VTA1: variants seen among roughly 807,000 people sequenced by gnomAD.
The protein encoded by VTA1 is vacuolar protein sorting-associated protein VTA1 homolog.
A neutral mutation model predicts 36.9 loss-of-function variants in VTA1; 24 were observed. The ratio of observed to expected loss-of-function variants is 0.65; its 90% CI spans 0.47 to 0.91. The LOEUF is 0.91. Among genes scored for constraint, VTA1 ranks in the 40% least tolerant of loss-of-function variants. The pLI is 0.00. For synonymous variants in VTA1, 142 were observed against 130.2 expected, an observed-to-expected ratio of 1.09 and a Z score of -0.62; for missense variants, 393 against 377.2, an observed-to-expected ratio of 1.04 and a Z score of -0.35.
chr6:142,209,892 T>C (rs1017320397), intron 7 of VTA1, among the ~76,000 whole-genome samples: 2 of 151,984 alleles, frequency 1.3e-5, no homozygotes, highest in Non-Finnish European at 2.9e-5. Flanking sequence ...CTTCACAGAA[T>C]GACATTTTAC....
chr6:142,157,031 G>A (rs1254162094), intron 1 of VTA1, among the ~76,000 whole-genome samples: 2 of 152,344 alleles, frequency 1.3e-5, no homozygotes, highest in South Asian at 2.1e-4. Flanking sequence ...GGGCGTGGTA[G>A]CGTTTACCTG....
At chr6:142,171,218 C>A (rs1775024515) in intron 4 of VTA1, among the ~76,000 whole-genome samples, 2 of 152,128 alleles carry the variant, frequency 1.3e-5, no homozygotes, top group African/African-American at 4.8e-5. Flanking sequence ...CCTCAGTCTC[C>A]CTAGTAGCTG....
intron 7 of VTA1, among the ~76,000 whole-genome samples, chr6:142,210,635 A>G (rs1255959823): frequency 6.6e-6 from 1 of 152,204 alleles, no homozygotes; most frequent in Admixed American, 6.5e-5. Flanking sequence ...CATTTCGTAT[A>G]TGAAGAAATG....
chr6:142,152,043 A>G (rs555278426), intron 1 of VTA1, among the ~76,000 whole-genome samples: 6 of 152,238 alleles, frequency 3.9e-5, no homozygotes, highest in Non-Finnish European at 7.3e-5. Flanking sequence ...CAAAAAAATA[A>G]TAAGAAAAAG....
chr6:142,196,616 A>G (rs1216673318), intron 5 of VTA1, among the ~76,000 whole-genome samples: 1 of 150,362 alleles, frequency 6.7e-6, no homozygotes, highest in African/African-American at 2.5e-5. Context: ...TGTCTCTTTC[A>G]TTTGTTATGT....
At chr6:142,181,455 T>TTATATATATATATATATATATATATATA (rs10545343) in intron 4 of VTA1, among the ~76,000 whole-genome samples, 1 of 143,652 alleles carries the variant, frequency 7.0e-6, no homozygotes, top group Non-Finnish European at 1.5e-5. Flanking sequence ...TTTTTATATT[T>TTATATATATATATATATATATATATATA]TATATATATA....
chr6:142,205,278 T>C (rs1388289489), intron 7 of VTA1, among the ~76,000 whole-genome samples: 1 of 152,208 alleles, frequency 6.6e-6, no homozygotes, highest in African/African-American at 2.4e-5. Context: ...ATTTTCTCTT[T>C]TCACTTTTTT....
intron 2 of VTA1, among the ~76,000 whole-genome samples, chr6:142,167,691 C>T (rs1277776018): frequency 6.6e-6 from 1 of 152,170 alleles, no homozygotes; most frequent in African/African-American, 2.4e-5. Context: ...CTCCTGTCGT[C>T]TGCTACTGTT....
intron 4 of VTA1, among the ~76,000 whole-genome samples, chr6:142,181,094 A>AAAAAATATATATAT (rs1471429927): frequency 2.5e-4 from 9 of 36,422 alleles, no homozygotes; most frequent in African/African-American, 6.1e-4. Context: ...AAAAAAAAAA[A>AAAAAATATATATAT]ATATATATAT....
At chr6:142,201,064 A>G (rs892827773) in intron 6 of VTA1, among the ~76,000 whole-genome samples, 2 of 151,880 alleles carry the variant, frequency 1.3e-5, no homozygotes, top group African/African-American at 4.8e-5. Context: ...TGTGCCTTCT[A>G]TGTTCCTTCC....
intron 1 of VTA1, among the ~76,000 whole-genome samples, chr6:142,152,559 A>G (rs1778588161): frequency 6.6e-6 from 1 of 152,152 alleles, no homozygotes; most frequent in African/African-American, 2.4e-5. Context: ...ATACATAAAT[A>G]TTTGATTTAA....
At chr6:142,193,566 ATTAT>A (rs1775493326) in intron 5 of VTA1, among the ~76,000 whole-genome samples, 4 of 152,064 alleles carry the variant, frequency 2.6e-5, no homozygotes, top group Admixed American at 2.6e-4. Flanking sequence ...TATTCATTTA[ATTAT>A]TTACATCAGT....
At chr6:142,209,936 A>G (rs749978264) in intron 7 of VTA1, among the ~76,000 whole-genome samples, 3 of 152,160 alleles carry the variant, frequency 2.0e-5, no homozygotes, top group South Asian at 2.1e-4. Flanking sequence ...ATGTAGAATG[A>G]TAGAAGACCC....
At chr6:142,169,437 T>C (rs763796373) in intron 2 of VTA1, 113 bp from the exon 3 acceptor site, 13 of 1,214,456 alleles carry the variant, frequency 1.1e-5, no homozygotes, top group Admixed American at 5.6e-5. Flanking sequence ...TGACATCTTT[T>C]ATTGAAATGA....
chr6:142,153,154 A>G (rs1298694722), intron 1 of VTA1, among the ~76,000 whole-genome samples: 1 of 152,074 alleles, frequency 6.6e-6, no homozygotes, highest in Non-Finnish European at 1.5e-5. Context: ...GGAATTTACA[A>G]ATTCTTAATG....
intron 5 of VTA1, among the ~76,000 whole-genome samples, chr6:142,195,595 C>CTTTTTTTT (rs72442499): frequency 5.8e-4 from 41 of 70,690 alleles, no homozygotes; most frequent in East Asian, 1.4e-3. Flanking sequence ...GTTTAATTTG[C>CTTTTTTTT]TTTTTTTTTT....
At chr6:142,211,619 G>A (rs569150533) in intron 7 of VTA1, among the ~76,000 whole-genome samples, 1 of 151,820 alleles carries the variant, frequency 6.6e-6, no homozygotes, top group East Asian at 2.0e-4. Flanking sequence ...GCTGAGGCAG[G>A]AGAATGGCAT....
chr6:142,197,712 A>T (rs1775580632), intron 5 of VTA1, among the ~76,000 whole-genome samples: 1 of 152,136 alleles, frequency 6.6e-6, no homozygotes, highest in South Asian at 2.1e-4. Flanking sequence ...CTTATTGGAT[A>T]GCATAAATGT....
rs1169535055 is a variant in VTA1, at chr6:142,181,094, A to AATATATATATATATATAT, written c.412-8326_412-8309dup. On this transcript the variant is annotated intron_variant, in intron 4 of 7. Transcript: ENST00000367630. ...AATGGTACAGAAAAAAAAAAAAAAA[A>AATATATATATATATATAT]ATATATATATATATATATATATACA... Among the ~76,000 whole-genome samples the AATATATATATATATATAT allele has an allele frequency of 7.7e-4, 28 of 36,406 alleles. 1 individual carries two copies. Among genetic ancestry groups the AATATATATATATATATAT allele is most frequent in the Non-Finnish European group, 1.5e-3 (26 of 17,152 alleles). The allele number at this position is 36,406 out of a possible 152,430, so 23.9% of individuals were successfully genotyped here. A position where few individuals can be genotyped will look rare whatever the true frequency, so the allele number is the denominator to read the frequency against.
Sources: allele counts gnomAD v4.1 joint callset (sites outside exome capture counted in the v4.1 genomes callset), GRCh38; gene constraint gnomAD v4.1.1; transcripts MANE v1.5; gene names NCBI Gene and HGNC (gene_info 2026-07-23, HGNC 2026-07-21).